The following GABRA3 variants were observed in gnomAD, a reference collection of about 807,000 sequenced individuals.
The protein encoded by GABRA3 is gamma-aminobutyric acid receptor subunit alpha-3.
Under a neutral mutation model 30.1 loss-of-function variants are expected in GABRA3, and 10 were observed. The ratio of observed to expected loss-of-function variants is 0.33; its 90% confidence interval spans 0.20 to 0.56. The LOEUF is 0.56. Ranked by LOEUF, GABRA3 falls within the 20% of genes least tolerant of loss-of-function variation. GABRA3 has a pLI of 0.89. For missense variants in GABRA3, 233 were observed against 392.0 expected, an observed-to-expected ratio of 0.59 and a Z score of 3.42; for synonymous variants, 151 against 146.8, an observed-to-expected ratio of 1.03 and a Z score of -0.21.
chrX:152,444,732 G>GGT (rs1931019495), intron 1 of GABRA3, among the ~76,000 whole-genome samples: 1 of 23,231 alleles, frequency 4.3e-5, no homozygotes, highest in Non-Finnish European at 7.5e-5. Context: ...TAATACTTGT[G>GGT]TGTTTTTTTT....
chrX:152,337,317 T>C (rs770708241), intron 3 of GABRA3, among the ~76,000 whole-genome samples: 6 of 111,438 alleles, frequency 5.4e-5, no homozygotes, highest in Non-Finnish European at 1.1e-4. Context: ...TTTTACTATC[T>C]AATTGTATAT....
chrX:152,333,288 T>A (rs1204987054), intron 3 of GABRA3, among the ~76,000 whole-genome samples: 1 of 111,926 alleles, frequency 8.9e-6, no homozygotes, highest in East Asian at 2.8e-4. Context: ...GAACAAAATA[T>A]CCTGTAGCCT....
chrX:152,405,306 CA>C (rs1182138088), intron 1 of GABRA3, among the ~76,000 whole-genome samples: 2,126 of 33,689 alleles, frequency 0.063, 27 homozygotes, highest in Middle Eastern at 0.11. Context: ...CGCACCCTTG[CA>C]AAAAAAAAAA....
intron 1 of GABRA3, among the ~76,000 whole-genome samples, chrX:152,436,591 A>G (rs1388163832): frequency 8.9e-6 from 1 of 112,162 alleles, no homozygotes; most frequent in East Asian, 2.8e-4. Context: ...ATACACAGTC[A>G]GTTGATTTTG....
intron 1 of GABRA3, among the ~76,000 whole-genome samples, chrX:152,406,258 A>G (rs1455720682): frequency 9.0e-6 from 1 of 110,972 alleles, no homozygotes. Flanking sequence ...TAAATGGACT[A>G]AATTTTCCAA....
chrX:152,359,863 G>A (rs5969895), intron 2 of GABRA3, among the ~76,000 whole-genome samples: 4,882 of 111,622 alleles, frequency 0.044, 256 homozygotes, highest in African/African-American at 0.15. Context: ...GCTTTTAGTA[G>A]TATCATGCCT....
intron 1 of GABRA3, among the ~76,000 whole-genome samples, chrX:152,372,995 G>A (rs1180991648): frequency 9.0e-6 from 1 of 111,450 alleles, no homozygotes; most frequent in East Asian, 2.8e-4. Context: ...CTTATTTGAG[G>A]TTCATGCCTC....
intron 9 of GABRA3, among the ~76,000 whole-genome samples, chrX:152,180,612 C>T (rs1937133216): frequency 8.9e-6 from 1 of 111,913 alleles, no homozygotes; most frequent in Non-Finnish European, 1.9e-5. Flanking sequence ...ATTCAAATTA[C>T]CTTTGTTTCA....
intron 3 of GABRA3, among the ~76,000 whole-genome samples, chrX:152,288,661 G>C (rs1376180896): frequency 9.0e-6 from 1 of 111,587 alleles, no homozygotes; most frequent in Non-Finnish European, 1.9e-5. Flanking sequence ...GAATGACTAG[G>C]AGTTTCCTAT....
chrX:152,360,727 AAAAAAAAAAATT>A (rs1928469040), intron 2 of GABRA3, among the ~76,000 whole-genome samples: 5 of 72,932 alleles, frequency 6.9e-5, no homozygotes, highest in African/African-American at 1.2e-4. Flanking sequence ...AAAAAAAATT[AAAAAAAAAAATT>A]AAAAAAAAAA....
At chrX:152,274,924 G>A (rs1244472994) in intron 4 of GABRA3, among the ~76,000 whole-genome samples, 1 of 104,814 alleles carries the variant, frequency 9.5e-6, no homozygotes, top group East Asian at 3.0e-4. Context: ...TTGAGAAAAC[G>A]AGACAGGGAG....
At chrX:152,328,869 G>T (rs150646497) in intron 3 of GABRA3, among the ~76,000 whole-genome samples, 4,073 of 111,459 alleles carry the variant, frequency 0.037, 159 homozygotes, top group African/African-American at 0.13. Context: ...GCAAGAGAAA[G>T]AAATAAAGGG....
chrX:152,370,899 T>C (rs994529286), intron 1 of GABRA3, among the ~76,000 whole-genome samples: 1 of 111,177 alleles, frequency 9.0e-6, no homozygotes, highest in African/African-American at 3.3e-5. Flanking sequence ...GATCTTACAA[T>C]CTTAGAATTG....
At chrX:152,294,868 T>G (rs1470462729) in intron 3 of GABRA3, among the ~76,000 whole-genome samples, 2 of 110,737 alleles carry the variant, frequency 1.8e-5, no homozygotes, top group Non-Finnish European at 3.8e-5. Flanking sequence ...TTGTTAGTTT[T>G]CCTTCTAACA....
At chrX:152,330,283 CAG>C (rs1276518480) in intron 3 of GABRA3, among the ~76,000 whole-genome samples, 1 of 111,977 alleles carries the variant, frequency 8.9e-6, no homozygotes, top group Non-Finnish European at 1.9e-5. Context: ...TTGTGGAAGA[CAG>C]TGTGGCAATT....
At chrX:152,219,036 C>T (rs1937780543) in intron 6 of GABRA3, among the ~76,000 whole-genome samples, 1 of 111,029 alleles carries the variant, frequency 9.0e-6, no homozygotes, top group Admixed American at 9.6e-5. Flanking sequence ...ATTTGGCCTC[C>T]AGGACAACAC....
At chrX:152,256,540 CAAAT>C (rs1192353904) in intron 4 of GABRA3, among the ~76,000 whole-genome samples, 1 of 110,955 alleles carries the variant, frequency 9.0e-6, no homozygotes, top group Non-Finnish European at 1.9e-5. Context: ...ACCTTATAGA[CAAAT>C]AAGATAAAAA....
rs1483644200 is a variant in GABRA3, at chrX:152,284,733, C to A, written c.265G>T (p.Ala89Ser). The change falls in exon 4 of 10, where the codon GCA becomes TCA. Residue 89 changes from alanine (A) to serine (S), a missense_variant and splice_region_variant. Coordinates refer to ENST00000370314, the MANE Select transcript of GABRA3 (RefSeq NM_000808.4). Reference protein sequence around the residue: ...DNRLRPGLGDAVTEVKTDIYV... With the variant: ...DNRLRPGLGDSVTEVKTDIYV... Reference sequence around the variant, plus strand: ...ATGTCAGTCTTCACTTCAGTCACTGCATCTGCGTGAAAGAAAGTAGAAAAG... The same window carrying A: ...ATGTCAGTCTTCACTTCAGTCACTGAATCTGCGTGAAAGAAAGTAGAAAAG... 8.5e-7 allele frequency: 1 copy of A among 1,180,821 alleles called. No homozygotes were observed. Among genetic ancestry groups the A allele is most frequent in the African/African-American group, 1.8e-5 (1 of 56,926 alleles).
At chrX:152,198,864 G>T (rs1182757372) in intron 7 of GABRA3, among the ~76,000 whole-genome samples, 1 of 112,040 alleles carries the variant, frequency 8.9e-6, no homozygotes, top group Non-Finnish European at 1.9e-5. Flanking sequence ...GTTGAATTGT[G>T]TCCCTCAAAA....
Sources: allele counts gnomAD v4.1 joint callset (sites outside exome capture counted in the v4.1 genomes callset), GRCh38; gene constraint gnomAD v4.1.1; transcripts MANE v1.5; gene names NCBI Gene and HGNC (gene_info 2026-07-23, HGNC 2026-07-21).